LAMC1: variants seen among roughly 807,000 people sequenced by gnomAD.
The protein encoded by LAMC1 is laminin subunit gamma-1.
In LAMC1, 38 loss-of-function variants were observed where a neutral mutation model predicts 173.6. That is an observed-to-expected ratio of 0.22 (90% confidence interval 0.17 to 0.29). The LOEUF is 0.29. LAMC1 is among the 10% of genes least tolerant of loss of function. LAMC1 has a pLI of 1.00. For synonymous variants in LAMC1, 746 were observed against 749.1 expected, an observed-to-expected ratio of 1.00 and a Z score of 0.07; for missense variants, 1,824 against 2,051.8, an observed-to-expected ratio of 0.89 and a Z score of 2.14.
At position 183,137,819 on chromosome 1, in the gene LAMC1, G is replaced by A; in HGVS notation, c.4465G>A (p.Ala1489Thr). The change falls in exon 26 of 28, where the codon GCA (alanine) becomes ACA (threonine). Residue 1489 changes from alanine (A) to threonine (T), a missense_variant. By Grantham distance (58) the Ala-to-Thr change is moderately conservative (BLOSUM62 0). Transcript: ENST00000258341. ...TGACGCTGACCAGGACATGATGATG[G>A]CAGGGATGGTAAGAGGTTTTGGTAT... Reference protein sequence around the residue: ...QDDADQDMMMAGMASQAAQEA... With the variant: ...QDDADQDMMMTGMASQAAQEA... 6.2e-7 allele frequency: 1 copy of A among 1,600,840 alleles called. No individual in the cohort carries two copies. Among genetic ancestry groups the A allele is most frequent in the East Asian group, 2.3e-5 (1 of 44,292 alleles).
chr1:183,114,617 T>A lies in LAMC1; in HGVS notation c.1108T>A (p.Cys370Ser). 1 of 1,614,232 alleles carries A rather than the reference T, an allele frequency of 6.2e-7. No individual in the cohort carries two copies. Among genetic ancestry groups the A allele is most frequent in the Non-Finnish European group, 8.5e-7 (1 of 1,180,044 alleles). ...STGHGGHCTN[C>S]QDNTDGAHCE... ...TGGCCATGGGGGCCACTGTACCAACTGCCAGGATAACACAGATGGCGCCCA... is the reference window on the plus strand; with the variant it reads ...TGGCCATGGGGGCCACTGTACCAACAGCCAGGATAACACAGATGGCGCCCA... The change falls in exon 5 of 28, where the codon TGC becomes AGC. Residue 370 changes from cysteine (C) to serine (S), a missense_variant. By Grantham distance (112) the Cys-to-Ser change is moderately radical. Transcript: ENST00000258341.
At chr1:183,139,244 A>C (rs748239991) in intron 26 of LAMC1, among the ~76,000 whole-genome samples, 1 of 152,224 alleles carries the variant, frequency 6.6e-6, no homozygotes, top group Non-Finnish European at 1.5e-5. Flanking sequence ...TTGGTAAATA[A>C]CTTCTAAGGA....
rs560773958 is a variant in LAMC1, at chr1:183,025,768, C to T, written c.418+1634C>T. 9.2e-5 allele frequency among the ~76,000 whole-genome samples: 14 copies of T among 152,250 alleles called. No individual in the cohort carries two copies. The South Asian group carries it at 2.9e-3, about 32-fold the overall frequency. On this transcript the variant is annotated intron_variant, in intron 1 of 27. Coordinates refer to ENST00000258341, the MANE Select transcript of LAMC1 (RefSeq NM_002293.4). ...TAAAATTTTCAAAGAAAAGGCGTTGCCTGATGTCTGAAATCTCAGATGCCT... is the reference window on the plus strand; with the variant it reads ...TAAAATTTTCAAAGAAAAGGCGTTGTCTGATGTCTGAAATCTCAGATGCCT...
chr1:183,118,156 G>T lies in LAMC1; in HGVS notation c.1990+10G>T. The T allele has an allele frequency of 7.0e-7, 1 of 1,430,818 alleles. No homozygotes were observed. 88.6% of individuals were successfully genotyped at this position (1,430,818 alleles called of 1,614,324 possible). A position where few individuals can be genotyped will look rare whatever the true frequency, so the allele number is the denominator to read the frequency against. On this transcript the variant is annotated intron_variant, in intron 11 of 27. Coordinates refer to ENST00000258341, the MANE Select transcript of LAMC1 (RefSeq NM_002293.4). ...ACATACAGTGAGAGAAGTAAGTTAT[G>T]ATATAATTTAGGAGAGTTGTTTAAA...
At chr1:183,110,718 T>A in intron 4 of LAMC1, 64 bp downstream of exon 4, 1 of 1,501,032 alleles carries the variant, frequency 6.7e-7, no homozygotes, top group Non-Finnish European at 9.1e-7. Context: ...GAAGAAGGAA[T>A]GGGTGACTTT....
chr1:183,094,493 T>C (rs185415548), intron 1 of LAMC1, among the ~76,000 whole-genome samples: 2 of 152,240 alleles, frequency 1.3e-5, no homozygotes, highest in African/African-American at 4.8e-5. Context: ...TGAGACCTTG[T>C]CTTATTCTCT....
At chr1:183,039,677 G>A (rs1053671059) in intron 1 of LAMC1, among the ~76,000 whole-genome samples, 2 of 152,118 alleles carry the variant, frequency 1.3e-5, no homozygotes, top group African/African-American at 4.8e-5. Context: ...AATCAGGTTT[G>A]GGTTTTAAAC....
At position 183,114,929 on chromosome 1, in the gene LAMC1, G is replaced by A. The variant is rs1240306295; in HGVS notation, c.1210+210G>A. ...CAGATGAGTTTCTGGTGTGTAAGAG[G>A]GGGGTGGTGGCCTGAGTAATGGTTC... is the stretch of plus-strand genomic sequence containing the variant. On this transcript the variant is annotated intron_variant, in intron 5 of 27. Transcript: ENST00000258341. Among the ~76,000 whole-genome samples the A allele has an allele frequency of 2.0e-5, 3 of 152,270 alleles. No individual in the cohort carries two copies. In the South Asian group the frequency reaches 6.2e-4, roughly 32 times the overall value.
At chr1:183,137,948 C>G in intron 26 of LAMC1, 121 bp downstream of exon 26, 1 of 929,454 alleles carries the variant, frequency 1.1e-6, no homozygotes, top group African/African-American at 1.7e-5. Context: ...CACATTGTCT[C>G]GTCAAGAATT....
chr1:183,122,023 T>A (rs113208467), intron 12 of LAMC1, 40 bp from the exon 13 acceptor site: 1 of 1,609,362 alleles, frequency 6.2e-7, no homozygotes, highest in East Asian at 2.2e-5. Flanking sequence ...CTTATATACT[T>A]GTACATTTGC....
At chr1:183,029,900 C>T (rs1380846578) in intron 1 of LAMC1, among the ~76,000 whole-genome samples, 1 of 152,046 alleles carries the variant, frequency 6.6e-6, no homozygotes, top group Non-Finnish European at 1.5e-5. Context: ...GGGACATTGC[C>T]CTGACCTCAT....
rs964542148 is a variant in LAMC1, at chr1:183,140,420, A to C, written c.4490A>C (p.Gln1497Pro). ...CCCTTACAGGCTTCACAGGCTGCTC[A>C]AGAAGCCGAGATCAATGCCAGAAAA... ...MMAGMASQAA[Q>P]EAEINARKAK... The change falls in exon 27 of 28, where the codon CAA becomes CCA. Residue 1497 changes from glutamine (Q) to proline (P), a missense_variant. By Grantham distance (76) the Gln-to-Pro change is moderately conservative. Transcript: ENST00000258341. 3.1e-6 allele frequency: 5 copies of C among 1,612,738 alleles called. No homozygotes were observed. Among genetic ancestry groups the C allele is most frequent in the Non-Finnish European group, 4.2e-6 (5 of 1,179,254 alleles).
In LAMC1 at chr1:183,140,519, G is replaced by A; in HGVS notation, c.4573+16G>A. 6.6e-7 allele frequency: 1 copy of A among 1,525,524 alleles called. No individual in the cohort carries two copies. The highest frequency in any genetic ancestry group is 9.1e-7 in the Non-Finnish European group (1 of 1,101,182). The allele number at this position is 1,525,524 out of a possible 1,614,324, so 94.5% of individuals were successfully genotyped here. ...GAGCAGCTGGGTACGTAGCCATAGA[G>A]TCATTTTTGTCAGTCTCTGAATCTT... is the stretch of plus-strand genomic sequence containing the variant. On this transcript the variant is annotated intron_variant, in intron 27 of 27. Coordinates refer to ENST00000258341, the MANE Select transcript of LAMC1 (RefSeq NM_002293.4).
intron 1 of LAMC1, among the ~76,000 whole-genome samples, chr1:183,052,943 T>C (rs989921732): frequency 6.6e-6 from 1 of 152,218 alleles, no homozygotes. Context: ...TAAAGAATTA[T>C]TGTCTTAAGG....
At chr1:183,039,354 C>T (rs1402588586) in intron 1 of LAMC1, among the ~76,000 whole-genome samples, 1 of 152,044 alleles carries the variant, frequency 6.6e-6, no homozygotes, top group Non-Finnish European at 1.5e-5. Flanking sequence ...GGTAAAGGGT[C>T]GTGATCAGTG....
At chr1:183,028,381 G>A (rs1390416592) in intron 1 of LAMC1, among the ~76,000 whole-genome samples, 1 of 151,990 alleles carries the variant, frequency 6.6e-6, no homozygotes, top group Non-Finnish European at 1.5e-5. Flanking sequence ...GAAGATTGAG[G>A]GTCCTATCTT....
At chr1:183,100,445 T>G (rs1048087239) in intron 1 of LAMC1, among the ~76,000 whole-genome samples, 2 of 152,214 alleles carry the variant, frequency 1.3e-5, no homozygotes, top group Non-Finnish European at 2.9e-5. Context: ...CTCCAGCCAC[T>G]TCTGTAGTTC....
chr1:183,105,541 G>A (rs1011350175), intron 2 of LAMC1, among the ~76,000 whole-genome samples: 6 of 152,224 alleles, frequency 3.9e-5, no homozygotes, highest in Admixed American at 1.3e-4. Context: ...TAAGAATTGT[G>A]ATGTTTGTTG....
At position 183,125,523 on chromosome 1, in the gene LAMC1, A is replaced by G; in HGVS notation, c.2774A>G (p.Asn925Ser). The G allele has an allele frequency of 1.9e-6, 3 of 1,610,852 alleles. No individual in the cohort carries two copies. The highest frequency in any genetic ancestry group is 1.1e-5 in the South Asian group (1 of 90,612). Residue 925 changes from asparagine to serine, a missense_variant, in exon 15 of 28, where the codon AAT (asparagine) becomes AGT (serine). Coordinates refer to ENST00000258341, the MANE Select transcript of LAMC1 (RefSeq NM_002293.4). ...GGTGCTTGTGACCCTGGATTCTACA[A>G]TCTGCAGAGTGGGCAAGGCTGTGAG... The part of the protein sequence containing the change: ...DCGACDPGFY[N>S]LQSGQGCERC...
Sources: allele counts gnomAD v4.1 joint callset (sites outside exome capture counted in the v4.1 genomes callset), GRCh38; gene constraint gnomAD v4.1.1; transcripts MANE v1.5; gene names NCBI Gene and HGNC (gene_info 2026-07-23, HGNC 2026-07-21).